PDE4D: variants seen among roughly 807,000 people sequenced by gnomAD.
The protein encoded by PDE4D is phosphodiesterase 4D.
A neutral mutation model predicts 87.4 loss-of-function variants in PDE4D; 24 were observed. That is an observed-to-expected ratio of 0.27 (90% CI 0.20 to 0.39). The LOEUF (loss-of-function observed/expected upper bound fraction) is 0.39, where lower values mean the gene tolerates loss of function less well. Ranked by LOEUF, PDE4D falls within the 10% of genes least tolerant of loss-of-function variation. PDE4D has a pLI of 1.00. For missense variants in PDE4D, 714 were observed against 1,041.0 expected (o/e 0.69, Z 4.32); for synonymous variants, 384 against 383.2 (o/e 1.00, Z -0.02).
At chr5:59,746,171 C>T (rs1371919385) in intron 1 of PDE4D, among the ~76,000 whole-genome samples, 1 of 152,080 alleles carries the variant, frequency 6.6e-6, no homozygotes, top group Non-Finnish European at 1.5e-5. Flanking sequence ...GTGTCCAAAT[C>T]ATGGAAAAAA....
intron 1 of PDE4D, among the ~76,000 whole-genome samples, chr5:59,414,897 G>T (rs144154323): frequency 1.3e-4 from 20 of 152,302 alleles, no homozygotes; most frequent in African/African-American, 4.8e-4. Flanking sequence ...GTCAAAAAAG[G>T]TTTCACAGAG....
At chr5:59,928,515 T>A (rs189403975) in intron 3 of PDE4D, among the ~76,000 whole-genome samples, 28 of 151,310 alleles carry the variant, frequency 1.9e-4, no homozygotes, top group African/African-American at 6.5e-4. Context: ...GCGGTGGAGG[T>A]CGCAGTGAGC....
intron 1 of PDE4D, among the ~76,000 whole-genome samples, chr5:60,187,799 T>C (rs1380246625): frequency 6.6e-6 from 1 of 152,188 alleles, no homozygotes; most frequent in African/African-American, 2.4e-5. Context: ...GTATAGACTT[T>C]GGAACCAAAT....
chr5:60,229,694 C>T (rs927875534), intron 1 of PDE4D, among the ~76,000 whole-genome samples: 1 of 152,094 alleles, frequency 6.6e-6, no homozygotes, highest in African/African-American at 2.4e-5. Flanking sequence ...GTCCTAGATT[C>T]TGGCCCACTT....
At position 59,465,534 on chromosome 5, in the gene PDE4D, C is replaced by T. The variant is rs1801463010; in HGVS notation, c.456-249566G>A. On this transcript the variant is annotated intron_variant, in intron 1 of 14. Transcript: ENST00000340635. ...AACACTGATTTTTTAAAATTTTATA[C>T]ATATTTTTAGACTTTTAATGTCAAT... Among the ~76,000 whole-genome samples the T allele has an allele frequency of 3.9e-5, 6 of 152,202 alleles. 1 individual carries two copies. The South Asian group carries it at 1.0e-3, about 26-fold the overall frequency.
chr5:59,470,493 T>C (rs565676907), intron 1 of PDE4D, among the ~76,000 whole-genome samples: 30 of 152,282 alleles, frequency 2.0e-4, no homozygotes, highest in African/African-American at 7.2e-4. Flanking sequence ...TACCATAATT[T>C]CATCAGTGAA....
chr5:59,850,690 A>G (rs1744540946), intron 1 of PDE4D, among the ~76,000 whole-genome samples: 1 of 151,972 alleles, frequency 6.6e-6, no homozygotes, highest in South Asian at 2.1e-4. Context: ...AAGTGCCTTT[A>G]CCTGCAGGGT....
At position 59,236,171 on chromosome 5, in the gene PDE4D, C is replaced by G. The variant is rs566592969; in HGVS notation, c.456-20203G>C. Among the ~76,000 whole-genome samples the G allele has an allele frequency of 3.9e-4, 60 of 152,200 alleles. 1 individual carries two copies. The highest frequency in any genetic ancestry group is 1.0e-4 in the Non-Finnish European group (7 of 68,024). On this transcript the variant is annotated intron_variant, in intron 1 of 14. Transcript: ENST00000340635. ...TGACCCTTGCCACCCTCTCTTCCTC[C>G]CTGCTTTTGCAATCCACTGTTGATG...
At chr5:60,275,690 C>G (rs772940100) in intron 1 of PDE4D, among the ~76,000 whole-genome samples, 1 of 151,672 alleles carries the variant, frequency 6.6e-6, no homozygotes, top group Non-Finnish European at 1.5e-5. Context: ...TTTAATTTTA[C>G]CTTCTTTTTT....
chr5:60,405,350 T>A (rs1741441964), intron 1 of PDE4D, among the ~76,000 whole-genome samples: 1 of 152,178 alleles, frequency 6.6e-6, no homozygotes, highest in South Asian at 2.1e-4. Flanking sequence ...ATAACTCTCC[T>A]CCATTCTCAA....
chr5:59,145,869 G>A (rs868825501), intron 5 of PDE4D, among the ~76,000 whole-genome samples: 20 of 152,184 alleles, frequency 1.3e-4, no homozygotes, highest in African/African-American at 4.8e-4. Context: ...GCTCATGCCT[G>A]TAATCCCAGC....
intron 1 of PDE4D, among the ~76,000 whole-genome samples, chr5:60,337,378 T>TACACAC (rs1561133956): frequency 8.7e-6 from 1 of 114,584 alleles, no homozygotes; most frequent in African/African-American, 4.1e-5. Context: ...TATATATATA[T>TACACAC]ATATATATAT....
At chr5:59,701,533 C>T (rs1461924813) in intron 1 of PDE4D, among the ~76,000 whole-genome samples, 1 of 152,166 alleles carries the variant, frequency 6.6e-6, no homozygotes, top group Non-Finnish European at 1.5e-5. Context: ...ACAATTAATA[C>T]TGAAAAGCAA....
chr5:60,483,862 T>C (rs1189717406), intron 1 of PDE4D, among the ~76,000 whole-genome samples: 1 of 152,132 alleles, frequency 6.6e-6, no homozygotes, highest in Non-Finnish European at 1.5e-5. Context: ...TTAAAAAGGG[T>C]TCAACAGGTG....
At chr5:60,066,367 A>C (rs959947948) in intron 2 of PDE4D, among the ~76,000 whole-genome samples, 1 of 151,854 alleles carries the variant, frequency 6.6e-6, no homozygotes, top group Admixed American at 6.6e-5. Context: ...TACACAATAT[A>C]TTTTTGCTTG....
chr5:59,842,955 A>G (rs1007139945), intron 1 of PDE4D, among the ~76,000 whole-genome samples: 18 of 152,182 alleles, frequency 1.2e-4, no homozygotes, highest in African/African-American at 4.3e-4. Flanking sequence ...AATAGCTAAC[A>G]TAATTTCAAT....
chr5:59,149,706 G>GTATTTTTTT (rs1779186185), intron 5 of PDE4D, among the ~76,000 whole-genome samples: 1 of 69,262 alleles, frequency 1.4e-5, no homozygotes, highest in Non-Finnish European at 2.6e-5. Flanking sequence ...CTCTCCTCGA[G>GTATTTTTTT]TTTTTTTTTT....
At chr5:60,376,408 A>G (rs1281945691) in intron 1 of PDE4D, among the ~76,000 whole-genome samples, 1 of 152,126 alleles carries the variant, frequency 6.6e-6, no homozygotes, top group East Asian at 1.9e-4. Flanking sequence ...CCCAGAGCTC[A>G]CACTCCCAGC....
intron 1 of PDE4D, among the ~76,000 whole-genome samples, chr5:59,856,889 A>G (rs1369204151): frequency 6.6e-6 from 1 of 152,132 alleles, no homozygotes; most frequent in Non-Finnish European, 1.5e-5. Context: ...AAAGAAAATG[A>G]GTATTAGTCC....
Sources: gnomAD v4.1 joint callset for allele counts (sites outside exome capture counted in the v4.1 genomes callset) on GRCh38, gnomAD v4.1.1 for gene constraint, MANE v1.5 for transcripts, NCBI Gene and HGNC (gene_info 2026-07-23, HGNC 2026-07-21) for gene names.